The following GALNT10 variants were observed in gnomAD, a reference collection of about 807,000 sequenced individuals.
The protein encoded by GALNT10 is polypeptide N-acetylgalactosaminyltransferase 10, also known as GalNAc transferase 10.
Under a neutral mutation model 75.0 loss-of-function variants are expected in GALNT10, and 41 were observed. The observed-to-expected ratio is 0.55, with a 90% CI of 0.43 to 0.71. The LOEUF is 0.71. Among genes scored for constraint, GALNT10 ranks in the 30% least tolerant of loss-of-function variants. The probability of loss-of-function intolerance (pLI) is 0.00; values close to 1 mark genes in which losing one functional copy is unlikely to be tolerated. For missense variants in GALNT10, 727 were observed against 818.5 expected (o/e 0.89, Z 1.36); for synonymous variants, 302 against 313.0 (o/e 0.96, Z 0.37).
chr5:154,224,217 C>T (rs193191003), intron 1 of GALNT10, among the ~76,000 whole-genome samples: 10 of 152,304 alleles, frequency 6.6e-5, no homozygotes, highest in Non-Finnish European at 1.2e-4. Flanking sequence ...AGAGGAGGTA[C>T]AGAGAACCGT....
chr5:154,347,503 T>C (rs1396479608), intron 4 of GALNT10, among the ~76,000 whole-genome samples: 1 of 151,774 alleles, frequency 6.6e-6, no homozygotes, highest in African/African-American at 2.4e-5. Flanking sequence ...ACTGGGACTA[T>C]AGGCATGCAC....
intron 4 of GALNT10, among the ~76,000 whole-genome samples, chr5:154,334,771 G>A (rs12523351): frequency 0.22 from 33,856 of 152,136 alleles, 4,126 homozygotes; most frequent in African/African-American, 0.33. Flanking sequence ...CTTAGCAGGT[G>A]TTTGCAGAGC....
At chr5:154,337,790 A>G (rs995062913) in intron 4 of GALNT10, 59 of 1,044,922 alleles carry the variant, frequency 5.6e-5, no homozygotes, top group Non-Finnish European at 8.1e-5. Context: ...CAAAGTTGTC[A>G]TTCCCACTAA....
Position 154,332,214 on chromosome 5 carries a change from C to T in GALNT10, c.568+2476C>T, listed in dbSNP as rs1486663947. ...AGTGATTGATTTTCTGCAGCATAAA[C>T]AGCCTCCACCACCTGGGGACAAACA... On this transcript the variant is annotated intron_variant, in intron 4 of 11. Transcript: ENST00000297107. 3.3e-5 allele frequency among the ~76,000 whole-genome samples: 5 copies of T among 152,198 alleles called. No homozygotes were observed. In the East Asian group the frequency reaches 9.6e-4, roughly 29 times the overall value.
At chr5:154,354,624 T>G (rs1165806430) in intron 4 of GALNT10, among the ~76,000 whole-genome samples, 1 of 152,180 alleles carries the variant, frequency 6.6e-6, no homozygotes, top group Non-Finnish European at 1.5e-5. Context: ...AGTGTGATGT[T>G]TCATCTGAGT....
intron 3 of GALNT10, among the ~76,000 whole-genome samples, chr5:154,328,726 G>A (rs1425021163): frequency 6.6e-6 from 1 of 152,178 alleles, no homozygotes; most frequent in Non-Finnish European, 1.5e-5. Flanking sequence ...CTGACCAGCC[G>A]GCTGTAAATT....
At chr5:154,235,251 G>T (rs1015768943) in intron 1 of GALNT10, among the ~76,000 whole-genome samples, 3 of 152,230 alleles carry the variant, frequency 2.0e-5, no homozygotes, top group East Asian at 3.9e-4. Context: ...TAAATAAAAT[G>T]AACATTCAGT....
intron 1 of GALNT10, among the ~76,000 whole-genome samples, chr5:154,200,455 G>A (rs575202198): frequency 3.3e-5 from 5 of 152,214 alleles, no homozygotes; most frequent in Non-Finnish European, 7.3e-5. Context: ...GGGTGTGTGT[G>A]TGAAAATTAC....
chr5:154,346,648 C>A (rs1456656399), intron 4 of GALNT10, among the ~76,000 whole-genome samples: 1 of 152,174 alleles, frequency 6.6e-6, no homozygotes, highest in Non-Finnish European at 1.5e-5. Context: ...TACCAGGAAC[C>A]AAATGTTATG....
Position 154,402,948 on chromosome 5 carries a change from CAG to C in GALNT10, c.1057-1155_1057-1154del, listed in dbSNP as rs1756199136. 6.6e-6 allele frequency: 1 copy of C among 152,376 alleles called. No individual in the cohort carries two copies. The highest frequency in any genetic ancestry group is 1.5e-5 in the Non-Finnish European group (1 of 68,162). The allele number at this position is 152,376 out of a possible 1,614,324, so 9.4% of individuals were successfully genotyped here. A position where few individuals can be genotyped will look rare whatever the true frequency, so the allele number is the denominator to read the frequency against. ...TGTGACTCACTGGGAGGCATCTACA[CAG>C]GGGCACAAATACGAGGAGGCAGGGA... is the stretch of plus-strand genomic sequence containing the variant. On this transcript the variant is annotated intron_variant, in intron 7 of 11. Transcript: ENST00000297107. The surrounding 1 kb of genome is among the most constrained non-coding windows in gnomAD (Gnocchi z 4.2).
intron 4 of GALNT10, among the ~76,000 whole-genome samples, chr5:154,342,193 T>C (rs1475983882): frequency 6.6e-6 from 1 of 152,206 alleles, no homozygotes; most frequent in South Asian, 2.1e-4. Flanking sequence ...GGGAATGAGA[T>C]GAAATTAAAA....
intron 4 of GALNT10, among the ~76,000 whole-genome samples, chr5:154,360,624 T>C (rs1424359976): frequency 6.6e-6 from 1 of 152,034 alleles, no homozygotes; most frequent in Non-Finnish European, 1.5e-5. Context: ...TGTAAACATA[T>C]AGAAAAAGAC....
intron 5 of GALNT10, among the ~76,000 whole-genome samples, chr5:154,378,927 C>A (rs1289861530): frequency 6.6e-6 from 1 of 151,118 alleles, no homozygotes; most frequent in Non-Finnish European, 1.5e-5. Flanking sequence ...TACTCTAAAT[C>A]TTTCTCTAGA....
At chr5:154,327,404 G>A (rs1303319071) in intron 3 of GALNT10, among the ~76,000 whole-genome samples, 1 of 152,106 alleles carries the variant, frequency 6.6e-6, no homozygotes, top group Non-Finnish European at 1.5e-5. Context: ...GGAAATGTGT[G>A]AGTTAAGCCT....
At chr5:154,367,023 C>T (rs1755486467) in intron 4 of GALNT10, among the ~76,000 whole-genome samples, 1 of 152,036 alleles carries the variant, frequency 6.6e-6, no homozygotes, top group Non-Finnish European at 1.5e-5. Context: ...GGAGTAGACT[C>T]ATTGGAAGGT....
chr5:154,356,716 A>G (rs76580992), intron 4 of GALNT10, among the ~76,000 whole-genome samples: 5,524 of 152,292 alleles, frequency 0.036, 335 homozygotes, highest in African/African-American at 0.13. Context: ...CAGGGTGTAC[A>G]GGGTGCAAAC....
chr5:154,301,337 G>A (rs984331722), intron 3 of GALNT10, among the ~76,000 whole-genome samples: 2 of 152,016 alleles, frequency 1.3e-5, no homozygotes, highest in African/African-American at 4.8e-5. Flanking sequence ...ACTTTGAAAT[G>A]GAGGTAGTTT....
At chr5:154,262,013 A>T (rs2443521) in intron 1 of GALNT10, among the ~76,000 whole-genome samples, 37,166 of 152,074 alleles carry the variant, frequency 0.24, 5,521 homozygotes, top group African/African-American at 0.42. Flanking sequence ...TCCATAAAAG[A>T]GAAGAGATAG....
intron 4 of GALNT10, among the ~76,000 whole-genome samples, chr5:154,374,612 A>G (rs1755627785): frequency 6.6e-6 from 1 of 152,236 alleles, no homozygotes; most frequent in East Asian, 1.9e-4. Flanking sequence ...AGCCTCCTGA[A>G]GTGCTGGGAT....
Sources: gnomAD v4.1 joint callset for allele counts (sites outside exome capture counted in the v4.1 genomes callset) on GRCh38, gnomAD v4.1.1 for gene constraint, Gnocchi (gnomAD v3.1) non-coding constraint, MANE v1.5 for transcripts, NCBI Gene and HGNC (gene_info 2026-07-23, HGNC 2026-07-21) for gene names.